ETV5: variants seen among roughly 807,000 people sequenced by gnomAD.
The protein encoded by ETV5 is ETS variant transcription factor 5, also known as ETS translocation variant 5.
A neutral mutation model predicts 70.0 loss-of-function variants in ETV5; 10 were observed. That is an observed-to-expected ratio of 0.14 (90% CI 0.09 to 0.24). The LOEUF is 0.24. Among genes scored for constraint, ETV5 ranks in the 10% least tolerant of loss-of-function variants. ETV5 has a pLI of 1.00. For synonymous variants in ETV5, 216 were observed against 242.2 expected (o/e 0.89, Z 1.01); for missense variants, 453 against 651.2 (o/e 0.70, Z 3.31).
intron 1 of ETV5, chr3:186,108,671 G>A: frequency 8.7e-7 from 1 of 1,154,834 alleles, no homozygotes; most frequent in Non-Finnish European, 1.1e-6. Context: ...CCGCACTCGC[G>A]CTCCGGGGCG....
chr3:186,070,076 T>C (rs1396629418), intron 7 of ETV5, among the ~76,000 whole-genome samples: 2 of 152,164 alleles, frequency 1.3e-5, no homozygotes, highest in Non-Finnish European at 2.9e-5. Context: ...CCTCCCAAAG[T>C]GCTAGGATTA....
intron 5 of ETV5, among the ~76,000 whole-genome samples, chr3:186,097,847 T>G (rs1379461531): frequency 6.6e-6 from 1 of 152,234 alleles, no homozygotes; most frequent in South Asian, 2.1e-4. Context: ...CAGTGTTGTT[T>G]GAGTTGGTTG....
chr3:186,082,346 T>C (rs1011361991), intron 5 of ETV5, among the ~76,000 whole-genome samples: 1 of 152,182 alleles, frequency 6.6e-6, no homozygotes, highest in East Asian at 1.9e-4. Context: ...TTTGACTCAA[T>C]GTTTACTCCT....
intron 7 of ETV5, among the ~76,000 whole-genome samples, chr3:186,077,637 A>C (rs1713828486): frequency 6.6e-6 from 1 of 152,170 alleles, no homozygotes; most frequent in African/African-American, 2.4e-5. Flanking sequence ...GTGTGACAAG[A>C]CTATATCCAG....
chr3:186,094,178 T>C (rs141803172), intron 5 of ETV5, among the ~76,000 whole-genome samples: 7 of 152,358 alleles, frequency 4.6e-5, no homozygotes, highest in African/African-American at 1.4e-4. Context: ...AGAAATTCTT[T>C]GTATTAATGC....
intron 9 of ETV5, 77 bp downstream of exon 9, chr3:186,064,340 G>T: frequency 7.2e-7 from 1 of 1,395,896 alleles, no homozygotes; most frequent in Non-Finnish European, 1.0e-6. Flanking sequence ...GAAGGTAGGA[G>T]AAAGAAAAGC....
intron 7 of ETV5, among the ~76,000 whole-genome samples, chr3:186,077,182 CTT>C (rs1713816587): frequency 6.6e-6 from 1 of 152,222 alleles, no homozygotes; most frequent in Admixed American, 6.5e-5. Flanking sequence ...ATGAGACTCT[CTT>C]TACTTCTATC....
chr3:186,053,436 G>C (rs1479777403), intron 11 of ETV5, among the ~76,000 whole-genome samples: 2 of 149,992 alleles, frequency 1.3e-5, no homozygotes, highest in Non-Finnish European at 2.9e-5. Flanking sequence ...GTTAAACATG[G>C]AGTAGGAATC....
chr3:186,070,571 G>C (rs1455740745), intron 7 of ETV5, among the ~76,000 whole-genome samples: 1 of 152,218 alleles, frequency 6.6e-6, no homozygotes, highest in Non-Finnish European at 1.5e-5. Context: ...GGCCAAGGGG[G>C]ATCTCAGGGG....
rs1430040499 is a variant in ETV5 at position 186,057,322 on chromosome 3, A to G, written c.1040-78T>C. The stretch of plus-strand genomic sequence containing the variant: ...TGGTTGGGACAAAAAGGAGTTGTTC[A>G]TGCTGATTTAATCACTGGACTTGGG... On this transcript the variant is annotated intron_variant, in intron 10 of 12. Coordinates refer to ENST00000306376, the MANE Select transcript of ETV5 (RefSeq NM_004454.3). The surrounding 1 kb of genome is among the most constrained non-coding windows in gnomAD (Gnocchi z 4.9). 2 of 1,607,580 alleles carry G rather than the reference A, an allele frequency of 1.2e-6. No homozygotes were observed. Among genetic ancestry groups the G allele is most frequent in the Non-Finnish European group, 1.7e-6 (2 of 1,174,474 alleles).
intron 5 of ETV5, among the ~76,000 whole-genome samples, chr3:186,087,730 C>T (rs1170365168): frequency 1.3e-5 from 2 of 152,124 alleles, no homozygotes; most frequent in African/African-American, 2.4e-5. Context: ...AAGGCGGCCA[C>T]CCCATGCCCG....
At chr3:186,063,040 G>C (rs549319882) in intron 9 of ETV5, among the ~76,000 whole-genome samples, 2 of 152,340 alleles carry the variant, frequency 1.3e-5, no homozygotes, top group South Asian at 4.1e-4. Context: ...GGGAGGCCGA[G>C]GCAGGTGGAT....
intron 5 of ETV5, among the ~76,000 whole-genome samples, chr3:186,101,065 G>C (rs1479370212): frequency 6.6e-6 from 1 of 152,176 alleles, no homozygotes; most frequent in African/African-American, 2.4e-5. Context: ...GGCATAGTTA[G>C]TTCTATGAAA....
chr3:186,073,875 C>G (rs1194255212), intron 7 of ETV5, among the ~76,000 whole-genome samples: 1 of 151,954 alleles, frequency 6.6e-6, no homozygotes, highest in Non-Finnish European at 1.5e-5. Context: ...TACAGTCACC[C>G]CAGCCTTAAG....
intron 12 of ETV5, among the ~76,000 whole-genome samples, chr3:186,050,734 G>A (rs1713007042): frequency 6.6e-6 from 1 of 152,158 alleles, no homozygotes; most frequent in Non-Finnish European, 1.5e-5. Context: ...ACTCCAGTGG[G>A]GGGTAGTAAC....
intron 9 of ETV5, among the ~76,000 whole-genome samples, chr3:186,060,092 G>A (rs917975226): frequency 6.6e-6 from 1 of 152,140 alleles, no homozygotes; most frequent in Non-Finnish European, 1.5e-5. Flanking sequence ...ATATTCCGGT[G>A]ATGTTTTAAT....
chr3:186,098,025 C>T (rs1037127708), intron 5 of ETV5, among the ~76,000 whole-genome samples: 4 of 152,238 alleles, frequency 2.6e-5, no homozygotes, highest in Non-Finnish European at 5.9e-5. Flanking sequence ...CCAGCTGTCG[C>T]CGCAGGGACG....
chr3:186,054,184 C>G lies in ETV5; in HGVS notation c.1210-2053G>C, dbSNP rs936537936. ...TTCTACAGTAATGCATGAGGCGGCT[C>G]AGCTCCAGAGCAGCTGGGAATTAGG... On this transcript the variant is annotated intron_variant, in intron 11 of 12. Coordinates refer to ENST00000306376, the MANE Select transcript of ETV5 (RefSeq NM_004454.3). This position sits in a 1 kb window ranked among gnomAD's most constrained non-coding sequence, Gnocchi z 4.4. Among the ~76,000 whole-genome samples, 1 of 152,236 alleles carries G rather than the reference C, an allele frequency of 6.6e-6. No individual in the cohort carries two copies. Among genetic ancestry groups the G allele is most frequent in the African/African-American group, 2.4e-5 (1 of 41,458 alleles).
At chr3:186,090,011 C>A (rs1282377319) in intron 5 of ETV5, among the ~76,000 whole-genome samples, 8 of 151,984 alleles carry the variant, frequency 5.3e-5, no homozygotes, top group Non-Finnish European at 1.2e-4. Flanking sequence ...AAGAAAAAAC[C>A]ATATATACAC....
Sources: gnomAD v4.1 joint callset for allele counts (sites outside exome capture counted in the v4.1 genomes callset) on GRCh38, gnomAD v4.1.1 for gene constraint, Gnocchi (gnomAD v3.1) non-coding constraint, MANE v1.5 for transcripts, NCBI Gene and HGNC (gene_info 2026-07-23, HGNC 2026-07-21) for gene names.